Variants in PALS2 observed in about 807,000 individuals in gnomAD.
PALS2 encodes the protein protein PALS2.
A neutral mutation model predicts 61.6 loss-of-function variants in PALS2; 27 were observed. The observed-to-expected ratio is 0.44, with a 90% CI of 0.32 to 0.60. The LOEUF is 0.60. Among genes scored for constraint, PALS2 ranks in the 20% least tolerant of loss-of-function variants. PALS2 has a pLI of 0.05. For missense variants in PALS2, 554 were observed against 639.4 expected (o/e 0.87, Z 1.44); for synonymous variants, 236 against 218.6 (o/e 1.08, Z -0.70).
chr7:24,677,714 T>C (rs897547141), intron 9 of PALS2, among the ~76,000 whole-genome samples: 1 of 152,156 alleles, frequency 6.6e-6, no homozygotes, highest in African/African-American at 2.4e-5. Context: ...GGTGACTAAT[T>C]CCAGAAACCT....
intron 9 of PALS2, among the ~76,000 whole-genome samples, chr7:24,669,313 A>G (rs982452759): frequency 6.6e-6 from 1 of 152,226 alleles, no homozygotes; most frequent in Non-Finnish European, 1.5e-5. Context: ...TAATCATGTC[A>G]GAAGTATGCT....
intron 1 of PALS2, among the ~76,000 whole-genome samples, chr7:24,575,852 AC>A (rs1374679680): frequency 1.3e-5 from 2 of 152,244 alleles, no homozygotes; most frequent in Non-Finnish European, 2.9e-5. Context: ...AATATAAATT[AC>A]CTATTGCTAG....
chr7:24,576,467 G>A (rs932320549), intron 1 of PALS2, among the ~76,000 whole-genome samples: 1 of 152,216 alleles, frequency 6.6e-6, no homozygotes, highest in Non-Finnish European at 1.5e-5. Context: ...TCTGAAGCAA[G>A]TCTCAATCAA....
Position 24,687,462 on chromosome 7 carries a change from G to T in PALS2, c.1471G>T (p.Asp491Tyr). ...GGACTCTGACTTGAAGAAAACAGTG[G>T]ATGAAAGTGCACGGATTCAGAGAGC... ...LTDSDLKKTV[D>Y]ESARIQRAYN... Residue 491 changes from aspartate to tyrosine, a missense_variant, in exon 12 of 12, where the codon GAT becomes TAT. Coordinates refer to ENST00000222644, the MANE Select transcript of PALS2 (RefSeq NM_001303037.2). This position sits in a 1 kb window ranked among gnomAD's most constrained non-coding sequence, Gnocchi z 4.5. 6.2e-7 allele frequency: 1 copy of T among 1,610,364 alleles called. No individual in the cohort carries two copies. The highest frequency in any genetic ancestry group is 8.5e-7 in the Non-Finnish European group (1 of 1,178,902).
chr7:24,679,121 T>C lies in PALS2; in HGVS notation c.1115-10T>C, dbSNP rs544645842. ...TCTTTGTACAAAAATCTCAACACTA[T>C]TTTATTTAGTTACTTCACGGAAACC... On this transcript the variant is annotated splice_polypyrimidine_tract_variant and intron_variant, in intron 9 of 11. Transcript: ENST00000222644. 3 of 1,611,834 alleles carry C rather than the reference T, an allele frequency of 1.9e-6. No homozygotes were observed. The South Asian group carries it at 3.3e-5, about 18-fold the overall frequency.
intron 2 of PALS2, among the ~76,000 whole-genome samples, chr7:24,633,290 C>CT (rs34178198): frequency 0.018 from 2,434 of 135,190 alleles, 50 homozygotes; most frequent in East Asian, 0.094. Context: ...TGAAAAAGTC[C>CT]TTTTTTTTTT....
At chr7:24,595,576 T>A (rs1783492331) in intron 1 of PALS2, among the ~76,000 whole-genome samples, 2 of 136,704 alleles carry the variant, frequency 1.5e-5, no homozygotes, top group East Asian at 2.0e-4. Flanking sequence ...TAAATATATA[T>A]AAATATATAT....
intron 2 of PALS2, among the ~76,000 whole-genome samples, chr7:24,641,155 G>C (rs1425937132): frequency 6.6e-6 from 1 of 151,454 alleles, no homozygotes; most frequent in Non-Finnish European, 1.5e-5. Context: ...AAATTATATA[G>C]TCTTTTAAAA....
intron 1 of PALS2, among the ~76,000 whole-genome samples, chr7:24,595,873 A>G (rs1449128344): frequency 7.0e-6 from 1 of 142,968 alleles, no homozygotes; most frequent in African/African-American, 2.6e-5. Flanking sequence ...TGGGAAGAGC[A>G]TTTCAAGGAG....
intron 2 of PALS2, among the ~76,000 whole-genome samples, chr7:24,637,664 G>C (rs551369866): frequency 3.9e-5 from 6 of 152,272 alleles, no homozygotes; most frequent in African/African-American, 1.4e-4. Context: ...ATTGTTATTA[G>C]AAAATAATAT....
chr7:24,628,961 G>C (rs1784869694), intron 2 of PALS2, among the ~76,000 whole-genome samples: 1 of 152,118 alleles, frequency 6.6e-6, no homozygotes, highest in African/African-American at 2.4e-5. Flanking sequence ...AGCTACCATT[G>C]ACTTTCTTCA....
chr7:24,641,651 T>G lies in PALS2; in HGVS notation c.118-65T>G, dbSNP rs956244657. ...ATTTTAAAACTTTACGAAAAAGAAA[T>G]AAACCATGGTCTGGTGCAAATAACA... is the stretch of plus-strand genomic sequence containing the variant. On this transcript the variant is annotated intron_variant, in intron 2 of 11. Transcript: ENST00000222644. 106 of 1,369,406 alleles carry G rather than the reference T, an allele frequency of 7.7e-5. No individual in the cohort carries two copies. The East Asian group carries it at 1.1e-3, about 14-fold the overall frequency. 84.8% of individuals were successfully genotyped at this position (1,369,406 alleles called of 1,614,324 possible). A position where few individuals can be genotyped will look rare whatever the true frequency, so the allele number is the denominator to read the frequency against.
At chr7:24,599,453 A>G (rs1479250852) in intron 1 of PALS2, among the ~76,000 whole-genome samples, 1 of 151,178 alleles carries the variant, frequency 6.6e-6, no homozygotes, top group Admixed American at 6.6e-5. Flanking sequence ...TAAAATACAA[A>G]TGCATTGTAC....
At chr7:24,649,814 T>C in intron 4 of PALS2, 50 bp downstream of exon 4, 9 of 1,450,124 alleles carry the variant, frequency 6.2e-6, no homozygotes, top group Non-Finnish European at 8.2e-6. Flanking sequence ...ATGACATAAT[T>C]TGTGGTTCAG....
At chr7:24,614,800 A>C (rs1258419412) in intron 1 of PALS2, among the ~76,000 whole-genome samples, 1 of 152,030 alleles carries the variant, frequency 6.6e-6, no homozygotes, top group Non-Finnish European at 1.5e-5. Context: ...TCGTCAGCAC[A>C]TGAAACATTT....
chr7:24,657,172 G>A (rs1353617673), intron 5 of PALS2, among the ~76,000 whole-genome samples: 1 of 152,162 alleles, frequency 6.6e-6, no homozygotes, highest in Non-Finnish European at 1.5e-5. Flanking sequence ...CCAGTATGGG[G>A]CTTTTACAAA....
At chr7:24,643,251 C>T (rs1023875552) in intron 3 of PALS2, among the ~76,000 whole-genome samples, 3 of 152,004 alleles carry the variant, frequency 2.0e-5, no homozygotes, top group African/African-American at 4.8e-5. Flanking sequence ...AGGAATGCTA[C>T]TTATTATTAG....
intron 1 of PALS2, among the ~76,000 whole-genome samples, chr7:24,575,755 G>A (rs1320638438): frequency 6.6e-6 from 1 of 152,132 alleles, no homozygotes; most frequent in Non-Finnish European, 1.5e-5. Context: ...CAGGATTAGT[G>A]CTAGTCAAAG....
intron 2 of PALS2, among the ~76,000 whole-genome samples, chr7:24,637,600 G>T (rs932972985): frequency 9.2e-5 from 14 of 152,016 alleles, no homozygotes; most frequent in African/African-American, 3.1e-4. Flanking sequence ...CAAAATTTAT[G>T]ATATGGTCCT....
Sources: gnomAD v4.1 joint callset for allele counts (sites outside exome capture counted in the v4.1 genomes callset) on GRCh38, gnomAD v4.1.1 for gene constraint, Gnocchi (gnomAD v3.1) non-coding constraint, MANE v1.5 for transcripts, NCBI Gene and HGNC (gene_info 2026-07-23, HGNC 2026-07-21) for gene names.